The following SIAE variants were observed in gnomAD, a reference collection of about 807,000 sequenced individuals.
SIAE encodes the protein sialic acid acetylesterase, also known as sialate O-acetylesterase.
In SIAE, 39 loss-of-function variants were observed where a neutral mutation model predicts 52.6. The observed-to-expected ratio is 0.74, with a 90% CI of 0.57 to 0.97. The LOEUF (loss-of-function observed/expected upper bound fraction) is 0.97. SIAE is among the 50% of genes least tolerant of loss of function. The probability of loss-of-function intolerance (pLI) is 0.00; values close to 1 mark genes in which losing one functional copy is unlikely to be tolerated. For missense variants in SIAE, 592 were observed against 662.1 expected (o/e 0.89, Z 1.16); for synonymous variants, 233 against 241.4 (o/e 0.97, Z 0.32).
chr11:124,650,868 C>G (rs1384039508), intron 4 of SIAE, among the ~76,000 whole-genome samples: 3 of 152,086 alleles, frequency 2.0e-5, no homozygotes, highest in African/African-American at 7.2e-5. Flanking sequence ...GGAAATTCGG[C>G]CCAAAGGGAA....
chr11:124,668,462 G>A (rs1040959356), intron 2 of SIAE, among the ~76,000 whole-genome samples: 1 of 152,102 alleles, frequency 6.6e-6, no homozygotes, highest in Non-Finnish European at 1.5e-5. Context: ...GCACAGTATC[G>A]GGCACATAGT....
intron 7 of SIAE, among the ~76,000 whole-genome samples, chr11:124,641,959 CAAAAAAAA>C (rs11327177): frequency 2.5e-5 from 1 of 39,220 alleles, no homozygotes; most frequent in East Asian, 7.3e-4. Flanking sequence ...GACTCCATCT[CAAAAAAAA>C]AAAAAAAAAA....
At position 124,648,072 on chromosome 11, in the gene SIAE, A is replaced by AC. The variant is rs768098683; in HGVS notation, c.825dup (p.Tyr276ValfsTer10). ...GAGTACACTGAACACTTACCCTGGT[A>AC]CCATACTACCCCTTTCAGAGTCATA... is the stretch of plus-strand genomic sequence containing the variant. On this transcript the variant is annotated frameshift_variant, in exon 6 of 10. Transcript: ENST00000263593. LOFTEE classifies it high-confidence loss of function. 13 of 1,611,652 alleles carry AC rather than the reference A, an allele frequency of 8.1e-6. No homozygotes were observed. The South Asian group carries it at 1.4e-4, about 18-fold the overall frequency.
At chr11:124,666,631 G>A (rs1943276808) in intron 2 of SIAE, among the ~76,000 whole-genome samples, 1 of 152,300 alleles carries the variant, frequency 6.6e-6, no homozygotes. Context: ...TTAAGTTGCT[G>A]CTGGTTATTT....
intron 2 of SIAE, among the ~76,000 whole-genome samples, chr11:124,662,424 T>C (rs964520126): frequency 3.3e-5 from 5 of 152,336 alleles, no homozygotes; most frequent in Non-Finnish European, 5.9e-5. Flanking sequence ...TATTTACTTA[T>C]GGTGGTGAGG....
intron 1 of SIAE, 78 bp downstream of exon 1, chr11:124,673,564 G>C: frequency 6.6e-7 from 1 of 1,505,208 alleles, no homozygotes; most frequent in Non-Finnish European, 9.1e-7. Context: ...GCGCGGATCC[G>C]TGTCCCGCAG....
rs1173939850 is a variant in SIAE at position 124,655,718 on chromosome 11, C to CA, written c.406-926dup. Among the ~76,000 whole-genome samples the CA allele has an allele frequency of 8.5e-5, 13 of 152,260 alleles. No individual in the cohort carries two copies. The East Asian group carries it at 2.3e-3, about 27-fold the overall frequency. Reference sequence around the variant, plus strand: ...ATTGGTTCCAGGAACCACACCCCCCCACACCAAACCCCAGCACATCAAAAT... The same window carrying CA: ...ATTGGTTCCAGGAACCACACCCCCCCAACACCAAACCCCAGCACATCAAAAT... On this transcript the variant is annotated intron_variant, in intron 3 of 9. Coordinates refer to ENST00000263593, the MANE Select transcript of SIAE (RefSeq NM_170601.5).
chr11:124,670,645 C>T lies in SIAE; in HGVS notation c.68-1124G>A, dbSNP rs1445761666. Among the ~76,000 whole-genome samples, 4 of 152,158 alleles carry T rather than the reference C, an allele frequency of 2.6e-5. No individual in the cohort carries two copies. The highest frequency in any genetic ancestry group is 1.3e-4 in the Admixed American group (2 of 15,274). The stretch of plus-strand genomic sequence containing the variant: ...AAGCTACAAATGATGAGGGCCCCTT[C>T]GGCTATACTTAACAGGGCAGCACAG... On this transcript the variant is annotated intron_variant, in intron 1 of 9. Coordinates refer to ENST00000263593, the MANE Select transcript of SIAE (RefSeq NM_170601.5). This position sits in a 1 kb window ranked among gnomAD's most constrained non-coding sequence, Gnocchi z 4.5.
intron 7 of SIAE, 106 bp from the exon 8 acceptor site, chr11:124,639,973 A>G: frequency 7.8e-7 from 1 of 1,287,634 alleles, no homozygotes; most frequent in Non-Finnish European, 1.1e-6. Context: ...TTAAATGCTC[A>G]TTCAACACGT....
chr11:124,664,295 G>A (rs1038674843), intron 2 of SIAE, among the ~76,000 whole-genome samples: 6 of 151,446 alleles, frequency 4.0e-5, no homozygotes, highest in African/African-American at 1.2e-4. Flanking sequence ...GCAGTGGCGC[G>A]ATCTTGGCTC....
In SIAE at chr11:124,639,850, A is replaced by G; in HGVS notation, c.984T>C (p.Ser328=). The change falls in exon 8 of 10, where the codon TCT becomes TCC. Residue 328 remains serine (S), a synonymous_variant. Transcript: ENST00000263593. ...FGLVQLSSDL[S]KKSSDDGFPQ... is the part of the protein sequence containing the mutation. The stretch of plus-strand genomic sequence containing the variant: ...GAAATCCATCGTCTGAGCTCTTCTT[A>G]GACAAATCTGAAGATAACTAGAAAG... 6.2e-7 allele frequency: 1 copy of G among 1,614,200 alleles called. No homozygotes were observed. The highest frequency in any genetic ancestry group is 1.1e-5 in the South Asian group (1 of 91,084).
chr11:124,638,276 G>A (rs527511591), intron 9 of SIAE, among the ~76,000 whole-genome samples: 9 of 152,260 alleles, frequency 5.9e-5, no homozygotes, highest in South Asian at 2.1e-4. Context: ...TGGTTGCTTC[G>A]GCAGAGAAAA....
At chr11:124,637,342 A>T in intron 9 of SIAE, 140 bp from the exon 10 acceptor site, 4 of 1,151,468 alleles carry the variant, frequency 3.5e-6, no homozygotes, top group Non-Finnish European at 5.1e-6. Flanking sequence ...AAGCAGAACA[A>T]ACCTGAGCCC....
At chr11:124,650,764 A>C (rs1943005282) in intron 4 of SIAE, among the ~76,000 whole-genome samples, 1 of 152,072 alleles carries the variant, frequency 6.6e-6, no homozygotes, top group South Asian at 2.1e-4. Flanking sequence ...CAAGAGCAAA[A>C]CTCTGTCTCA....
At chr11:124,650,466 C>A (rs1354890900) in intron 4 of SIAE, among the ~76,000 whole-genome samples, 1 of 152,036 alleles carries the variant, frequency 6.6e-6, no homozygotes, top group South Asian at 2.1e-4. Flanking sequence ...TGGCTTTATA[C>A]CCAATTTTAT....
chr11:124,635,344 A>C lies in SIAE; in HGVS notation c.*1607T>G, dbSNP rs1050011498. ...TCAGGGGAGCCAACGTTCCTTGTAA[A>C]GTGTGTAGATTTTTTGTTTTTTAAC... On this transcript the variant is annotated 3_prime_UTR_variant, in exon 10 of 10. Coordinates refer to ENST00000263593, the MANE Select transcript of SIAE (RefSeq NM_170601.5). 6.6e-6 allele frequency: 1 copy of C among 152,206 alleles called. No individual in the cohort carries two copies. The highest frequency in any genetic ancestry group is 2.1e-4 in the South Asian group (1 of 4,826). The allele number at this position is 152,206 out of a possible 1,614,324, so 9.4% of individuals were successfully genotyped here. A position where few individuals can be genotyped will look rare whatever the true frequency, so the allele number is the denominator to read the frequency against.
intron 4 of SIAE, among the ~76,000 whole-genome samples, chr11:124,653,797 G>C (rs1202540135): frequency 1.3e-5 from 2 of 152,192 alleles, no homozygotes; most frequent in South Asian, 2.1e-4. Flanking sequence ...TAGAAGAAAG[G>C]CTAAGCTCAG....
At chr11:124,644,084 G>A (rs1316465338) in intron 7 of SIAE, among the ~76,000 whole-genome samples, 1 of 152,060 alleles carries the variant, frequency 6.6e-6, no homozygotes, top group Non-Finnish European at 1.5e-5. Context: ...ATAACAGAAA[G>A]GAGCCTTGGA....
At chr11:124,654,034 G>A (rs1943057407) in intron 4 of SIAE, 1 of 165,346 alleles carries the variant, frequency 6.0e-6, no homozygotes, top group Non-Finnish European at 1.2e-5. Context: ...AAAATTAGCT[G>A]AGCGTGGTGG....
Sources: allele counts gnomAD v4.1 joint callset (sites outside exome capture counted in the v4.1 genomes callset), GRCh38; gene constraint gnomAD v4.1.1; non-coding constraint Gnocchi (gnomAD v3.1); transcripts MANE v1.5; gene names NCBI Gene and HGNC (gene_info 2026-07-23, HGNC 2026-07-21).